CSMD3: variants seen among roughly 807,000 people sequenced by gnomAD.
The protein encoded by CSMD3 is CUB and sushi domain-containing protein 3.
CSMD3 carries 177 observed loss-of-function variants against 435.2 expected under a neutral mutation model. That is an observed-to-expected ratio of 0.41 (90% confidence interval 0.36 to 0.46). The LOEUF (loss-of-function observed/expected upper bound fraction) is 0.46. Ranked by LOEUF, CSMD3 falls within the 20% of genes least tolerant of loss-of-function variation. CSMD3 has a pLI of 0.34. For synonymous variants in CSMD3, 1,656 were observed against 1,520.5 expected, an observed-to-expected ratio of 1.09 and a Z score of -2.07; for missense variants, 4,265 against 4,504.6, an observed-to-expected ratio of 0.95 and a Z score of 1.52.
intron 3 of CSMD3, among the ~76,000 whole-genome samples, chr8:113,222,402 T>C (rs956990014): frequency 6.6e-6 from 1 of 150,984 alleles, no homozygotes; most frequent in African/African-American, 2.4e-5. Context: ...TCTATTGATA[T>C]GTATGGGCAA....
intron 1 of CSMD3, among the ~76,000 whole-genome samples, chr8:113,432,571 C>T (rs867529502): frequency 1.3e-5 from 2 of 152,202 alleles, no homozygotes; most frequent in African/African-American, 2.4e-5. Flanking sequence ...GCACTTGAGC[C>T]GGGGGCTGCC....
chr8:113,248,147 G>A (rs1461856929), intron 3 of CSMD3, among the ~76,000 whole-genome samples: 2 of 151,610 alleles, frequency 1.3e-5, no homozygotes, highest in African/African-American at 2.4e-5. Context: ...GAAAATGTGG[G>A]GTATTTTATG....
chr8:112,838,431 T>A (rs543021320), intron 11 of CSMD3, among the ~76,000 whole-genome samples: 5 of 151,780 alleles, frequency 3.3e-5, no homozygotes, highest in Non-Finnish European at 7.4e-5. Context: ...GCAGGGACAA[T>A]CTGGATTTGA....
chr8:112,762,732 A>C (rs540133757), intron 13 of CSMD3, among the ~76,000 whole-genome samples: 5 of 152,076 alleles, frequency 3.3e-5, no homozygotes, highest in African/African-American at 1.2e-4. Flanking sequence ...TCATAAAGAT[A>C]AATTTGAAAG....
chr8:112,363,922 A>C (rs1428556347), intron 38 of CSMD3, among the ~76,000 whole-genome samples: 1 of 152,048 alleles, frequency 6.6e-6, no homozygotes, highest in Non-Finnish European at 1.5e-5. Flanking sequence ...TACATTTATG[A>C]ATGTTGATGT....
At chr8:113,182,512 A>C (rs762729650) in intron 3 of CSMD3, among the ~76,000 whole-genome samples, 75 of 125,840 alleles carry the variant, frequency 6.0e-4, no homozygotes, top group Non-Finnish European at 1.1e-3. Context: ...GCTGCTGCTG[A>C]TGCTGCCAAA....
chr8:113,105,981 A>C (rs2090463383), intron 4 of CSMD3, among the ~76,000 whole-genome samples: 1 of 152,120 alleles, frequency 6.6e-6, no homozygotes, highest in African/African-American at 2.4e-5. Context: ...GAGATGATGG[A>C]ATTAGAAAAT....
intron 10 of CSMD3, among the ~76,000 whole-genome samples, chr8:112,901,809 C>T (rs1365124883): frequency 6.6e-6 from 1 of 151,196 alleles, no homozygotes. Context: ...ATACAGGCAC[C>T]TCAGTTACCA....
chr8:112,283,269 G>A (rs1818842372), intron 58 of CSMD3, among the ~76,000 whole-genome samples: 2 of 151,270 alleles, frequency 1.3e-5, no homozygotes, highest in South Asian at 4.2e-4. Context: ...ATTTTTTTTT[G>A]TGATGCATCT....
chr8:112,923,358 C>T (rs765685410), intron 9 of CSMD3, among the ~76,000 whole-genome samples: 13 of 152,062 alleles, frequency 8.5e-5, no homozygotes, highest in Admixed American at 1.3e-4. Flanking sequence ...TTAAAATTGC[C>T]GATGTGATTT....
At chr8:113,327,923 G>T (rs544643557) in intron 1 of CSMD3, among the ~76,000 whole-genome samples, 1 of 152,112 alleles carries the variant, frequency 6.6e-6, no homozygotes, top group Admixed American at 6.5e-5. Context: ...TATTCACAAG[G>T]TTATGTGCAT....
intron 12 of CSMD3, among the ~76,000 whole-genome samples, chr8:112,817,584 G>A (rs1014795631): frequency 1.3e-5 from 2 of 151,916 alleles, no homozygotes; most frequent in African/African-American, 4.8e-5. Context: ...GAAGTTGCCA[G>A]GAATAAATGC....
chr8:112,925,943 T>C (rs939767158), intron 9 of CSMD3, among the ~76,000 whole-genome samples: 2 of 152,218 alleles, frequency 1.3e-5, no homozygotes, highest in African/African-American at 4.8e-5. Context: ...TAATTACTCA[T>C]TTGTATTGTA....
chr8:112,383,772 T>C (rs1179629252), intron 36 of CSMD3, 109 bp from the exon 37 acceptor site: 4 of 759,086 alleles, frequency 5.3e-6, no homozygotes, highest in Admixed American at 2.0e-5. Flanking sequence ...AACCACATAA[T>C]TGTGACCCTT....
At chr8:112,845,399 AG>A (rs2080291084) in intron 11 of CSMD3, among the ~76,000 whole-genome samples, 1 of 152,050 alleles carries the variant, frequency 6.6e-6, no homozygotes, top group African/African-American at 2.4e-5. Flanking sequence ...AAAAGGTAAA[AG>A]ATTACCTGAG....
At chr8:113,005,279 A>G (rs2086015601) in intron 6 of CSMD3, among the ~76,000 whole-genome samples, 1 of 152,022 alleles carries the variant, frequency 6.6e-6, no homozygotes, top group African/African-American at 2.4e-5. Flanking sequence ...CACGGTTTAG[A>G]TGACCTAGGA....
chr8:113,414,727 A>G, intron 1 of CSMD3, among the ~76,000 whole-genome samples: 1 of 151,546 alleles, frequency 6.6e-6, no homozygotes, highest in East Asian at 1.9e-4. Context: ...TTGGGAGACC[A>G]AGGTAGGTGG....
intron 1 of CSMD3, among the ~76,000 whole-genome samples, chr8:113,421,467 C>A (rs754940139): frequency 2.0e-5 from 3 of 152,170 alleles, no homozygotes; most frequent in Non-Finnish European, 4.4e-5. Context: ...TTAGAAATAT[C>A]TGTGCTTAAA....
chr8:112,885,675 C>T (rs1400566502), intron 10 of CSMD3, among the ~76,000 whole-genome samples: 1 of 151,750 alleles, frequency 6.6e-6, no homozygotes, highest in African/African-American at 2.4e-5. Flanking sequence ...TGGGTTTTTG[C>T]TTGTTTGTTT....
Sources: allele counts gnomAD v4.1 joint callset (sites outside exome capture counted in the v4.1 genomes callset), GRCh38; gene constraint gnomAD v4.1.1; transcripts MANE v1.5; gene names NCBI Gene and HGNC (gene_info 2026-07-23, HGNC 2026-07-21).